The following MARCHF1 variants were observed in gnomAD, a reference collection of about 807,000 sequenced individuals.
MARCHF1 encodes membrane associated ring-CH-type finger 1.
Under a neutral mutation model 54.2 loss-of-function variants are expected in MARCHF1, and 40 were observed. The observed-to-expected ratio is 0.74, with a 90% CI of 0.57 to 0.96. MARCHF1 has a LOEUF of 0.96. MARCHF1 is among the 40% of genes least tolerant of loss of function. The pLI is 0.00. For missense variants in MARCHF1, 586 were observed against 656.5 expected (o/e 0.89, Z 1.17); for synonymous variants, 236 against 236.3 (o/e 1.00, Z 0.01).
At chr4:164,012,245 T>C (rs993787785) in intron 2 of MARCHF1, among the ~76,000 whole-genome samples, 2 of 152,004 alleles carry the variant, frequency 1.3e-5, no homozygotes, top group Non-Finnish European at 2.9e-5. Flanking sequence ...TGAATGCCAG[T>C]GTCACCCCTC....
intron 2 of MARCHF1, among the ~76,000 whole-genome samples, chr4:164,049,982 A>G (rs554449827): frequency 6.6e-6 from 1 of 152,178 alleles, no homozygotes; most frequent in East Asian, 1.9e-4. Flanking sequence ...GATATAAAAA[A>G]TGAAGGCCTA....
chr4:163,733,848 T>C (rs1745953562), intron 4 of MARCHF1, among the ~76,000 whole-genome samples: 1 of 152,144 alleles, frequency 6.6e-6, no homozygotes, highest in Non-Finnish European at 1.5e-5. Flanking sequence ...GAACTGATCT[T>C]CAAATGACAC....
chr4:164,266,715 T>A (rs918886264), intron 1 of MARCHF1, among the ~76,000 whole-genome samples: 7 of 152,146 alleles, frequency 4.6e-5, no homozygotes, highest in Non-Finnish European at 1.0e-4. Flanking sequence ...AAACAAGAGA[T>A]AAATATACAC....
intron 4 of MARCHF1, among the ~76,000 whole-genome samples, chr4:163,706,668 T>C (rs1744958549): frequency 6.6e-6 from 1 of 152,008 alleles, no homozygotes; most frequent in Non-Finnish European, 1.5e-5. Context: ...CCTCTACAAA[T>C]TGACATATGA....
At chr4:163,900,403 A>C (rs554693399) in intron 3 of MARCHF1, among the ~76,000 whole-genome samples, 17 of 151,892 alleles carry the variant, frequency 1.1e-4, no homozygotes, top group Admixed American at 6.6e-4. Context: ...CTTATAATTG[A>C]TCTTGCATCT....
At chr4:163,813,825 C>T (rs779525340) in intron 4 of MARCHF1, among the ~76,000 whole-genome samples, 2 of 152,132 alleles carry the variant, frequency 1.3e-5, no homozygotes, top group Non-Finnish European at 2.9e-5. Context: ...GCAGGGCTTG[C>T]ATGTCTGACA....
At position 163,637,170 on chromosome 4, in the gene MARCHF1, C is replaced by G. The variant is rs188570233; in HGVS notation, c.163-23777G>C. On this transcript the variant is annotated intron_variant, in intron 5 of 9. Coordinates refer to ENST00000514618, the MANE Select transcript of MARCHF1 (RefSeq NM_001394959.1). ...AGAAGAAAACCTAGGCTTTACCATT[C>G]AGGACATAGGCATGGGCAAGGACTT... Among the ~76,000 whole-genome samples, 1,481 of 152,150 alleles carry G rather than the reference C, an allele frequency of 9.7e-3. 11 individuals carry two copies. Among genetic ancestry groups the G allele is most frequent in the Non-Finnish European group, 0.017 (1,176 of 68,008 alleles).
At chr4:163,899,067 T>C (rs1053701856) in intron 3 of MARCHF1, among the ~76,000 whole-genome samples, 1 of 152,162 alleles carries the variant, frequency 6.6e-6, no homozygotes, top group East Asian at 1.9e-4. Flanking sequence ...TCCTGTTGGG[T>C]ACAACGTTCT....
At chr4:163,894,534 A>T (rs972205929) in intron 3 of MARCHF1, among the ~76,000 whole-genome samples, 4 of 148,168 alleles carry the variant, frequency 2.7e-5, no homozygotes, top group African/African-American at 9.9e-5. Flanking sequence ...TTTTGCTGAA[A>T]GATAAGAAAT....
At chr4:164,033,090 T>C (rs774839727) in intron 2 of MARCHF1, among the ~76,000 whole-genome samples, 1 of 151,494 alleles carries the variant, frequency 6.6e-6, no homozygotes, top group Non-Finnish European at 1.5e-5. Context: ...GCTGAGGTCG[T>C]TTGAACCCGG....
rs1235963185 is a variant in MARCHF1 at position 163,894,583 on chromosome 4, CAT to C, written c.-38-40416_-38-40415del. Reference sequence around the variant, plus strand: ...TGCATATATATATATGCATGTGATGCATATATATATATGCATGTGATGCATAT... The same window carrying C: ...TGCATATATATATATGCATGTGATGCATATATATATGCATGTGATGCATAT... On this transcript the variant is annotated intron_variant, in intron 3 of 9. Coordinates refer to ENST00000514618, the MANE Select transcript of MARCHF1 (RefSeq NM_001394959.1). 3.4e-4 allele frequency among the ~76,000 whole-genome samples: 19 copies of C among 56,220 alleles called. 2 individuals are homozygous for C. The highest frequency in any genetic ancestry group is 4.4e-4 in the African/African-American group (10 of 22,874). 36.9% of individuals were successfully genotyped at this position (56,220 alleles called of 152,430 possible).
chr4:163,693,070 C>T (rs1303586319), intron 5 of MARCHF1, among the ~76,000 whole-genome samples: 1 of 151,244 alleles, frequency 6.6e-6, no homozygotes, highest in Non-Finnish European at 1.5e-5. Flanking sequence ...CTCAAATGTC[C>T]AGTGGTTGTC....
In MARCHF1 at chr4:163,728,505, TC is replaced by T. The variant is rs543845371; in HGVS notation, c.112-27643del. 2.9e-3 allele frequency among the ~76,000 whole-genome samples: 444 copies of T among 152,190 alleles called. 13 individuals are homozygous for T. Among genetic ancestry groups the T allele is most frequent in the Admixed American group, 0.027 (410 of 15,272 alleles). ...TGGGGTTCTTTTTTCACATTGATCTTCCCCCCCATACTTTTGTTATATTTAC... is the reference window on the plus strand; with the variant it reads ...TGGGGTTCTTTTTTCACATTGATCTTCCCCCCATACTTTTGTTATATTTAC... On this transcript the variant is annotated intron_variant, in intron 4 of 9. Transcript: ENST00000514618.
intron 1 of MARCHF1, among the ~76,000 whole-genome samples, chr4:164,113,576 C>T (rs1318520763): frequency 6.6e-6 from 1 of 151,936 alleles, no homozygotes; most frequent in East Asian, 1.9e-4. Context: ...CATATTTGGG[C>T]ATTTGGTGAG....
At chr4:164,238,108 T>C (rs1443452527) in intron 1 of MARCHF1, among the ~76,000 whole-genome samples, 2 of 152,064 alleles carry the variant, frequency 1.3e-5, no homozygotes, top group African/African-American at 4.8e-5. Flanking sequence ...TCATATAGAA[T>C]AGATTTATTT....
chr4:164,357,985 T>C (rs1730610792), intron 1 of MARCHF1, among the ~76,000 whole-genome samples: 1 of 152,010 alleles, frequency 6.6e-6, no homozygotes, highest in South Asian at 2.1e-4. Flanking sequence ...GATGACAAGG[T>C]GAGAAACATA....
intron 1 of MARCHF1, among the ~76,000 whole-genome samples, chr4:164,338,418 G>C (rs1729820790): frequency 6.6e-6 from 1 of 152,092 alleles, no homozygotes. Flanking sequence ...ATTATAGTAA[G>C]TCCTTGCCCA....
intron 3 of MARCHF1, among the ~76,000 whole-genome samples, chr4:163,874,102 G>A (rs1455754351): frequency 6.6e-6 from 1 of 152,174 alleles, no homozygotes; most frequent in Non-Finnish European, 1.5e-5. Context: ...TTATCATAGA[G>A]GTATTAGTCT....
chr4:164,280,452 T>C (rs1387904241), intron 1 of MARCHF1, among the ~76,000 whole-genome samples: 1 of 152,030 alleles, frequency 6.6e-6, no homozygotes, highest in African/African-American at 2.4e-5. Context: ...GCATTTTAAA[T>C]TAGTGGAAAG....
Sources: gnomAD v4.1 joint callset for allele counts (sites outside exome capture counted in the v4.1 genomes callset) on GRCh38, gnomAD v4.1.1 for gene constraint, MANE v1.5 for transcripts, NCBI Gene and HGNC (gene_info 2026-07-23, HGNC 2026-07-21) for gene names.